Variants in RPL7A observed in about 807,000 individuals in gnomAD.
The protein encoded by RPL7A is ribosomal protein L7a, also known as large ribosomal subunit protein eL8.
For missense variants in RPL7A, 291 were observed against 338.2 expected, an observed-to-expected ratio of 0.86 and a Z score of 1.09; for synonymous variants, 158 against 128.2, an observed-to-expected ratio of 1.23 and a Z score of -1.57.
chr9:133,348,638 AG>A, intron 1 of RPL7A: 1 of 654,656 alleles, frequency 1.5e-6, no homozygotes, highest in Non-Finnish European at 2.8e-6. Flanking sequence ...GACTCAGAGG[AG>A]TCATGAGTCC....
chr9:133,351,285 T>C lies in RPL7A; in HGVS notation c.720T>C (p.Asn240=), dbSNP rs11549048. Reference sequence around the variant, plus strand: ...AGATCCGCCGTCACTGGGGTGGCAATGTCCTGGGTCCTAAGTCTGTGGCTC... The same window carrying C: ...AGATCCGCCGTCACTGGGGTGGCAACGTCCTGGGTCCTAAGTCTGTGGCTC... ...YDEIRRHWGG[N]VLGPKSVARI... Residue 240 remains asparagine, a synonymous_variant, in exon 8 of 8, where the codon AAT becomes AAC. Coordinates refer to ENST00000323345, the MANE Select transcript of RPL7A (RefSeq NM_000972.3). 2.2e-4 allele frequency: 348 copies of C among 1,614,086 alleles called. No homozygotes were observed. In the African/African-American group the frequency reaches 3.0e-3, roughly 14 times the overall value.
In RPL7A at chr9:133,348,441, C is replaced by T. The variant is rs1588683144; in HGVS notation, c.3+195C>T. The T allele has an allele frequency of 5.6e-5, 42 of 755,574 alleles. No individual in the cohort carries two copies. In the East Asian group the frequency reaches 1.1e-3, roughly 19 times the overall value. 46.8% of individuals were successfully genotyped at this position (755,574 alleles called of 1,614,324 possible). ...ACGGAGACATTGAGATGGACTAGAG[C>T]CCCGGGCGGCCGAGAGCGGAATGCG... On this transcript the variant is annotated intron_variant, in intron 1 of 7. Transcript: ENST00000323345.
chr9:133,348,792 G>A, intron 1 of RPL7A, 130 bp from the exon 2 acceptor site: 2 of 1,431,732 alleles, frequency 1.4e-6, no homozygotes, highest in Non-Finnish European at 2.0e-6. Flanking sequence ...GGGGGTTGCA[G>A]AAAGCTGCTC....
At chr9:133,349,305 A>C in intron 2 of RPL7A, 2 of 788,510 alleles carry the variant, frequency 2.5e-6, no homozygotes, top group East Asian at 4.9e-5. Flanking sequence ...GCAGCGAGGT[A>C]CTAGGACTGC....
At chr9:133,350,509 G>C (rs1410527257) in intron 5 of RPL7A, 88 bp from the exon 6 acceptor site, 1 of 1,604,258 alleles carries the variant, frequency 6.2e-7, no homozygotes. Context: ...GAATCCATGA[G>C]CTTTTTAACC....
chr9:133,349,448 A>T, intron 2 of RPL7A, 103 bp from the exon 3 acceptor site: 2 of 1,399,968 alleles, frequency 1.4e-6, no homozygotes, highest in East Asian at 2.3e-5. Context: ...ATGACATTTT[A>T]AACCACCAAG....
Position 133,351,246 on chromosome 9 carries a change from C to T in RPL7A, c.697-16C>T. 1 of 1,611,880 alleles carries T rather than the reference C, an allele frequency of 6.2e-7. No individual in the cohort carries two copies. Among genetic ancestry groups the T allele is most frequent in the Non-Finnish European group, 8.5e-7 (1 of 1,178,038 alleles). On this transcript the variant is annotated splice_polypyrimidine_tract_variant and intron_variant, in intron 7 of 7. Coordinates refer to ENST00000323345, the MANE Select transcript of RPL7A (RefSeq NM_000972.3). Reference sequence around the variant, plus strand: ...AAACAGTAAGCCAAGCTAACTGCCTCTTTTTGTCTTTTCAGATCCGCCGTC... The same window carrying T: ...AAACAGTAAGCCAAGCTAACTGCCTTTTTTTGTCTTTTCAGATCCGCCGTC...
chr9:133,350,237 T>C lies in RPL7A; in HGVS notation c.416-3T>C, dbSNP rs1217167843. 1.2e-6 allele frequency: 2 copies of C among 1,613,976 alleles called. No homozygotes were observed. On this transcript the variant is annotated splice_polypyrimidine_tract_variant and splice_region_variant and intron_variant, in intron 4 of 7. Transcript: ENST00000323345. ...GTGCTCACAAAGTGGTTGTGTGTTCTAGGAGTTAACACCGTCACCACCTTG... is the reference window on the plus strand; with the variant it reads ...GTGCTCACAAAGTGGTTGTGTGTTCCAGGAGTTAACACCGTCACCACCTTG...
chr9:133,350,927 C>G, intron 6 of RPL7A, 75 bp from the exon 7 acceptor site: 1 of 1,546,084 alleles, frequency 6.5e-7, no homozygotes, highest in South Asian at 1.1e-5. Flanking sequence ...CTGTCTTGAG[C>G]TAAAAGGTAT....
intron 1 of RPL7A, chr9:133,348,485 G>C (rs914955592): frequency 6.4e-6 from 4 of 623,738 alleles, no homozygotes; most frequent in Non-Finnish European, 1.1e-5. Context: ...GGTGTCGCAG[G>C]GCTGGGTGTC....
At position 133,349,654 on chromosome 9, in the gene RPL7A, G is replaced by A; in HGVS notation, c.228G>A (p.Val76=). ...QRAILYKRLK[V]PPAINQFTQA... is the part of the protein sequence containing the mutation. ...CCATCCTCTATAAGCGGCTGAAAGTGCCTCCTGCGATTAACCAGTTCACCC... is the reference window on the plus strand; with the variant it reads ...CCATCCTCTATAAGCGGCTGAAAGTACCTCCTGCGATTAACCAGTTCACCC... The change falls in exon 3 of 8, where the codon GTG becomes GTA. Residue 76 remains valine, a synonymous_variant. Coordinates refer to ENST00000323345, the MANE Select transcript of RPL7A (RefSeq NM_000972.3). 1 of 1,614,064 alleles carries A rather than the reference G, an allele frequency of 6.2e-7. No homozygotes were observed.
intron 1 of RPL7A, chr9:133,348,605 GCTT>G: frequency 1.7e-6 from 1 of 604,900 alleles, no homozygotes; most frequent in Non-Finnish European, 3.0e-6. Flanking sequence ...CGCCCCTGTT[GCTT>G]CTAGAGCCTG....
At chr9:133,349,290 G>A (rs2129984635) in intron 2 of RPL7A, 10 of 761,710 alleles carry the variant, frequency 1.3e-5, no homozygotes, top group Non-Finnish European at 2.3e-5. Context: ...TACAGTAGCA[G>A]TGTCGCAGCG....
At chr9:133,350,442 CACATG>C (rs2129993621) in intron 5 of RPL7A, 123 bp downstream of exon 5, 1 of 1,488,774 alleles carries the variant, frequency 6.7e-7, no homozygotes, top group Non-Finnish European at 9.4e-7. Flanking sequence ...ACAGATCCAA[CACATG>C]CGTGGCTCTT....
intron 1 of RPL7A, 88 bp downstream of exon 1, chr9:133,348,334 C>T (rs1356003129): frequency 6.4e-7 from 1 of 1,552,678 alleles, no homozygotes; most frequent in East Asian, 2.2e-5. Flanking sequence ...CGGAGGGCCT[C>T]CTGCTCCTCC....
chr9:133,350,530 G>C (rs1455584257), intron 5 of RPL7A, 67 bp from the exon 6 acceptor site: 1 of 1,612,434 alleles, frequency 6.2e-7, no homozygotes, highest in Non-Finnish European at 8.5e-7. Context: ...CTGAGCAATT[G>C]TTACAAGCTA....
chr9:133,349,120 G>A (rs1338029914), intron 2 of RPL7A, 78 bp downstream of exon 2: 10 of 1,547,716 alleles, frequency 6.5e-6, no homozygotes, highest in Non-Finnish European at 8.8e-6. Flanking sequence ...GTTGTATCTT[G>A]TAGGTTTTAG....
chr9:133,351,064 A>G lies in RPL7A; in HGVS notation c.689A>G (p.Tyr230Cys). The G allele has an allele frequency of 1.2e-6, 2 of 1,614,008 alleles. No individual in the cohort carries two copies. The highest frequency in any genetic ancestry group is 1.7e-6 in the Non-Finnish European group (2 of 1,179,940). ...ATCAGGACCAATTACAATGACAGAT[A>G]CGATGAGGTAAGAGGCAGCTTTACA... Reference protein sequence around the residue: ...EAIRTNYNDRYDEIRRHWGGN... With the variant: ...EAIRTNYNDRCDEIRRHWGGN... The change falls in exon 7 of 8, where the codon TAC becomes TGC. Residue 230 changes from tyrosine to cysteine, a missense_variant. Transcript: ENST00000323345.
Position 133,348,960 on chromosome 9 carries a change from G to C in RPL7A, c.42G>C (p.Pro14=), listed in dbSNP as rs2129982471. The change falls in exon 2 of 8, where the codon CCG becomes CCC. Residue 14 remains proline, a synonymous_variant. Transcript: ENST00000323345. ...AGGCCAAGGGAAAGAAGGTGGCTCC[G>C]GCCCCAGCTGTCGTGAAGAAGCAGG... The part of the protein sequence containing the change: ...GKKAKGKKVA[P]APAVVKKQEA... The C allele has an allele frequency of 1.7e-5, 27 of 1,613,870 alleles. No homozygotes were observed. The highest frequency in any genetic ancestry group is 2.2e-5 in the East Asian group (1 of 44,900).
Sources: allele counts gnomAD v4.1 joint callset, GRCh38; gene constraint gnomAD v4.1.1; transcripts MANE v1.5; gene names NCBI Gene and HGNC (gene_info 2026-07-23, HGNC 2026-07-21).